HARS1: variants seen among roughly 807,000 people sequenced by gnomAD.
HARS1 encodes the protein histidine--tRNA ligase, cytoplasmic.
In HARS1, 45 loss-of-function variants were observed where a neutral mutation model predicts 63.6. The ratio of observed to expected loss-of-function variants is 0.71; its 90% CI spans 0.56 to 0.91. The LOEUF (loss-of-function observed/expected upper bound fraction) is 0.91, where lower values mean the gene tolerates loss of function less well. Ranked by LOEUF, HARS1 falls within the 40% of genes least tolerant of loss-of-function variation. The pLI is 0.00. For missense variants in HARS1, 508 were observed against 643.2 expected, an observed-to-expected ratio of 0.79 and a Z score of 2.27; for synonymous variants, 205 against 247.1, an observed-to-expected ratio of 0.83 and a Z score of 1.60.
At chr5:140,678,087 C>G in intron 5 of HARS1, 72 bp from the exon 6 acceptor site, 1 of 812,036 alleles carries the variant, frequency 1.2e-6, no homozygotes, top group South Asian at 1.4e-5. Context: ...GGAGCTCTGT[C>G]CTCTAGGAAG....
rs2073512 is a variant in HARS1, at chr5:140,679,308, C to T, written c.397-181G>A. The T allele has an allele frequency of 0.22, 125,532 of 575,770 alleles. 15,259 individuals carry two copies. Among genetic ancestry groups the T allele is most frequent in the East Asian group, 0.29 (9,370 of 32,076 alleles). 35.7% of individuals were successfully genotyped at this position (575,770 alleles called of 1,614,324 possible). On this transcript the variant is annotated intron_variant, in intron 4 of 12. Transcript: ENST00000504156. This position sits in a 1 kb window ranked among gnomAD's most constrained non-coding sequence, Gnocchi z 4.3. The stretch of plus-strand genomic sequence containing the variant: ...TGCTACCACATGAGGTAGCTGAAGG[C>T]TCAAAAAAGATTAAGGCACCTTTCC...
Position 140,684,239 on chromosome 5 carries a change from G to C in HARS1, c.181-1020C>G, listed in dbSNP as rs568145824. The C allele has an allele frequency of 6.4e-4, 292 of 457,362 alleles. 2 individuals carry two copies. Among genetic ancestry groups the C allele is most frequent in the African/African-American group, 6.0e-3 (280 of 46,920 alleles). The allele number at this position is 457,362 out of a possible 1,614,324, so 28.3% of individuals were successfully genotyped here. ...CGGCAGGTGGAGCTTGCAGTGAGCT[G>C]AGATAGTGCCACTGCACTCCAGCCT... On this transcript the variant is annotated intron_variant, in intron 2 of 12. Transcript: ENST00000504156.
At chr5:140,686,785 G>T (rs972930755) in intron 2 of HARS1, among the ~76,000 whole-genome samples, 30 of 150,984 alleles carry the variant, frequency 2.0e-4, no homozygotes, top group Admixed American at 6.6e-4. Flanking sequence ...TAGAGATGGG[G>T]TTTCTCTATG....
chr5:140,688,945 AG>A (rs747852997), intron 2 of HARS1, among the ~76,000 whole-genome samples: 2 of 152,228 alleles, frequency 1.3e-5, no homozygotes, highest in Non-Finnish European at 2.9e-5. Context: ...TCACATCAGC[AG>A]GAACATAATG....
chr5:140,675,033 C>T lies in HARS1; in HGVS notation c.1295G>A (p.Trp432Ter). ...CTCCCATACCTTGATCCCAGCATCC[C>T]ACAGTTCTGAGACAAGCTTTAGTCT... ...EERLKLVSEL[W>*]DAGIKAELLY... The change falls in exon 11 of 13, where the codon TGG becomes TAG. Residue 432 changes from tryptophan to a stop codon, truncating the protein, a stop_gained. Coordinates refer to ENST00000504156, the MANE Select transcript of HARS1 (RefSeq NM_002109.6). LOFTEE classifies it high-confidence loss of function. 1 of 1,610,872 alleles carries T rather than the reference C, an allele frequency of 6.2e-7. No individual in the cohort carries two copies. The highest frequency in any genetic ancestry group is 8.5e-7 in the Non-Finnish European group (1 of 1,177,116).
In HARS1 at chr5:140,676,641, T is replaced by C. The variant is rs201733468; in HGVS notation, c.1194+13A>G. 19 of 1,613,454 alleles carry C rather than the reference T, an allele frequency of 1.2e-5. No individual in the cohort carries two copies. The highest frequency in any genetic ancestry group is 1.6e-5 in the Non-Finnish European group (19 of 1,179,624). On this transcript the variant is annotated intron_variant, in intron 10 of 12. Transcript: ENST00000504156. The surrounding 1 kb of genome is among the most constrained non-coding windows in gnomAD (Gnocchi z 4.1). The stretch of plus-strand genomic sequence containing the variant: ...CTGCTCAGACTATCTTCTACCTACC[T>C]CCTAGGACCTACCTCTAGTCTCTGT...
In HARS1 at chr5:140,681,470, C is replaced by T. The variant is rs116339664; in HGVS notation, c.301-1587G>A. Among the ~76,000 whole-genome samples the T allele has an allele frequency of 5.5e-3, 834 of 152,156 alleles. 5 individuals carry two copies. Among genetic ancestry groups the T allele is most frequent in the African/African-American group, 0.018 (754 of 41,504 alleles). On this transcript the variant is annotated intron_variant, in intron 3 of 12. Coordinates refer to ENST00000504156, the MANE Select transcript of HARS1 (RefSeq NM_002109.6). ...ACTGGAGGCCAGGAATTCAAGACCA[C>T]CAACCTGGTCAACATGGTGAAACCT...
At chr5:140,677,226 T>C (rs973864162) in intron 8 of HARS1, 101 bp downstream of exon 8, 4 of 1,380,326 alleles carry the variant, frequency 2.9e-6, no homozygotes, top group African/African-American at 2.8e-5. Context: ...TACATATGCA[T>C]AGACACACTC....
Position 140,677,901 on chromosome 5 carries a change from C to T in HARS1, c.630+7G>A. ...AACTTTGCCCTCCCAGCCTTGTCAG[C>T]TCTGACCTTGACCAGGAAGTCGCCT... On this transcript the variant is annotated splice_region_variant and intron_variant, in intron 6 of 12. Coordinates refer to ENST00000504156, the MANE Select transcript of HARS1 (RefSeq NM_002109.6). 6.3e-7 allele frequency: 1 copy of T among 1,587,654 alleles called. No individual in the cohort carries two copies. The highest frequency in any genetic ancestry group is 2.2e-5 in the East Asian group (1 of 44,748).
At chr5:140,674,926 G>C in intron 11 of HARS1, 91 bp downstream of exon 11, 1 of 1,491,786 alleles carries the variant, frequency 6.7e-7, no homozygotes, top group Non-Finnish European at 9.3e-7. Context: ...CTTTTGAGAA[G>C]TAATGGCAGG....
chr5:140,678,160 C>T lies in HARS1; in HGVS notation c.523-145G>A, dbSNP rs1450746055. ...TTCTGATCATCAGCCCAGAGGTAAA[C>T]CCCGGCATCTTTGGGCTTCTCACCA... On this transcript the variant is annotated intron_variant, in intron 5 of 12. Transcript: ENST00000504156. The T allele has an allele frequency of 2.4e-5, 15 of 614,768 alleles. No homozygotes were observed. In the East Asian group the frequency reaches 2.8e-4, roughly 11 times the overall value. The allele number at this position is 614,768 out of a possible 1,614,324, so 38.1% of individuals were successfully genotyped here. A position where few individuals can be genotyped will look rare whatever the true frequency, so the allele number is the denominator to read the frequency against.
intron 5 of HARS1, 136 bp from the exon 6 acceptor site, chr5:140,678,151 A>G (rs1231629127): frequency 1.6e-5 from 10 of 632,646 alleles, no homozygotes; most frequent in Non-Finnish European, 2.6e-5. Context: ...TCATCAGCCC[A>G]GAGGTAAACC....
intron 2 of HARS1, among the ~76,000 whole-genome samples, chr5:140,686,603 CTTTTTTT>C (rs569351034): frequency 7.4e-6 from 1 of 135,984 alleles, no homozygotes; most frequent in Middle Eastern, 4.0e-3. Flanking sequence ...TTCTAAAATT[CTTTTTTT>C]TTTTTTTTTG....
rs1401062403 is a variant in HARS1 at position 140,679,848 on chromosome 5, C to T, written c.336G>A (p.Lys112=). 6.2e-7 allele frequency: 1 copy of T among 1,608,420 alleles called. No individual in the cohort carries two copies. ...TLMGKYGEDS[K]LIYDLKDQGG... ...CCTGGTCCTTCAGGTCATAGATAAGCTTGGAGTCTTCCCCATACTTTCCCA... is the reference window on the plus strand; with the variant it reads ...CCTGGTCCTTCAGGTCATAGATAAGTTTGGAGTCTTCCCCATACTTTCCCA... The change falls in exon 4 of 13, where the codon AAG becomes AAA. Residue 112 remains lysine (K), a synonymous_variant. Coordinates refer to ENST00000504156, the MANE Select transcript of HARS1 (RefSeq NM_002109.6). The surrounding 1 kb of genome is among the most constrained non-coding windows in gnomAD (Gnocchi z 4.3).
intron 2 of HARS1, among the ~76,000 whole-genome samples, chr5:140,686,524 C>A (rs946887678): frequency 6.6e-6 from 1 of 151,916 alleles, no homozygotes; most frequent in Middle Eastern, 3.4e-3. Flanking sequence ...CAGGCGTAAG[C>A]CACCACACCC....
chr5:140,677,468 A>G (rs761528435), intron 7 of HARS1, 48 bp from the exon 8 acceptor site: 3 of 1,414,390 alleles, frequency 2.1e-6, no homozygotes, highest in Non-Finnish European at 3.0e-6. Flanking sequence ...CTTCCGCACC[A>G]CAGAGCAAGT....
intron 3 of HARS1, among the ~76,000 whole-genome samples, chr5:140,681,856 T>C (rs1404172725): frequency 6.6e-6 from 1 of 152,224 alleles, no homozygotes; most frequent in East Asian, 1.9e-4. Flanking sequence ...TACTTTGTTA[T>C]GGTAGCCCTA....
rs2149845881 is a variant in HARS1 at position 140,691,197 on chromosome 5, CT to C, written c.90+17del. On this transcript the variant is annotated intron_variant, in intron 1 of 12. Coordinates refer to ENST00000504156, the MANE Select transcript of HARS1 (RefSeq NM_002109.6). The stretch of plus-strand genomic sequence containing the variant: ...CCAGGCTTTGCCTTGGCCCTCTCCC[CT>C]GCTGCCTAAATCTCACCAGCTCGGC... 1 of 1,575,344 alleles carries C rather than the reference CT, an allele frequency of 6.3e-7. No homozygotes were observed. The highest frequency in any genetic ancestry group is 8.6e-7 in the Non-Finnish European group (1 of 1,156,070).
In HARS1 at chr5:140,675,046, C is replaced by T. The variant is rs1276957068; in HGVS notation, c.1282G>A (p.Val428Ile). ...ATCCCAGCATCCCACAGTTCTGAGA[C>T]AAGCTTTAGTCTTTCCTCTAGCAGC... The part of the protein sequence containing the change: ...KKLLEERLKL[V>I]SELWDAGIKA... Residue 428 changes from valine to isoleucine, a missense_variant, in exon 11 of 13, where the codon GTC becomes ATC. By Grantham distance (29) the Val-to-Ile change is conservative. Around this residue, in one of 2 missense-constraint regions of HARS1, gnomAD observed 403 missense variants for 548.7 expected, o/e 0.73. Coordinates refer to ENST00000504156, the MANE Select transcript of HARS1 (RefSeq NM_002109.6). The T allele has an allele frequency of 1.9e-6, 3 of 1,612,804 alleles. No homozygotes were observed. The South Asian group carries it at 3.3e-5, about 18-fold the overall frequency.
Sources: allele counts gnomAD v4.1 joint callset (sites outside exome capture counted in the v4.1 genomes callset), GRCh38; gene constraint gnomAD v4.1.1; regional missense constraint gnomAD v4.1.1; non-coding constraint Gnocchi (gnomAD v3.1); transcripts MANE v1.5; gene names NCBI Gene and HGNC (gene_info 2026-07-23, HGNC 2026-07-21).